ADCY2: variants seen among roughly 807,000 people sequenced by gnomAD.
ADCY2 encodes the protein adenylate cyclase type 2.
A neutral mutation model predicts 125.2 loss-of-function variants in ADCY2; 31 were observed. The ratio of observed to expected loss-of-function variants is 0.25; its 90% CI spans 0.19 to 0.33. The LOEUF is 0.33. Ranked by LOEUF, ADCY2 falls within the 10% of genes least tolerant of loss-of-function variation. The pLI is 1.00. For synonymous variants in ADCY2, 512 were observed against 548.4 expected (o/e 0.93, Z 0.93); for missense variants, 904 against 1,418.2 (o/e 0.64, Z 5.82).
chr5:7,653,225 C>A (rs1739158349), intron 4 of ADCY2, among the ~76,000 whole-genome samples: 1 of 152,176 alleles, frequency 6.6e-6, no homozygotes, highest in Non-Finnish European at 1.5e-5. Flanking sequence ...TTTGCCATGA[C>A]AACTCTCATA....
chr5:7,793,105 C>T (rs190839056), intron 20 of ADCY2, among the ~76,000 whole-genome samples: 123 of 152,286 alleles, frequency 8.1e-4, no homozygotes, highest in East Asian at 5.8e-4. Context: ...CTGAGGGTGA[C>T]GTGACATTTT....
intron 18 of ADCY2, among the ~76,000 whole-genome samples, chr5:7,774,750 G>A (rs1743666463): frequency 6.6e-6 from 1 of 152,174 alleles, no homozygotes; most frequent in Non-Finnish European, 1.5e-5. Context: ...AAGCTAGGGA[G>A]ACTGACTTGA....
At position 7,401,377 on chromosome 5, in the gene ADCY2, A is replaced by G. The variant is rs1192697916; in HGVS notation, c.210+4871A>G. Reference sequence around the variant, plus strand: ...AACTGCTACGCTGTCACAGGGTCACAGGGCATTTGACTTTCCCTGGGTGAC... The same window carrying G: ...AACTGCTACGCTGTCACAGGGTCACGGGGCATTTGACTTTCCCTGGGTGAC... On this transcript the variant is annotated intron_variant, in intron 1 of 24. Coordinates refer to ENST00000338316, the MANE Select transcript of ADCY2 (RefSeq NM_020546.3). Among the ~76,000 whole-genome samples the G allele has an allele frequency of 3.9e-5, 6 of 152,200 alleles. No individual in the cohort carries two copies. The South Asian group carries it at 8.3e-4, about 21-fold the overall frequency.
intron 3 of ADCY2, among the ~76,000 whole-genome samples, chr5:7,566,902 AGT>A (rs1348938829): frequency 6.6e-6 from 1 of 152,200 alleles, no homozygotes; most frequent in Non-Finnish European, 1.5e-5. Flanking sequence ...GAAAATAGCA[AGT>A]GTTCATTATA....
chr5:7,580,757 C>T (rs893817387), intron 3 of ADCY2, among the ~76,000 whole-genome samples: 1 of 152,070 alleles, frequency 6.6e-6, no homozygotes, highest in Non-Finnish European at 1.5e-5. Flanking sequence ...TAACTAAATA[C>T]AAAGAACACC....
chr5:7,554,700 C>T (rs1735448770), intron 3 of ADCY2, among the ~76,000 whole-genome samples: 1 of 152,136 alleles, frequency 6.6e-6, no homozygotes. Flanking sequence ...TGGGTCAAAT[C>T]TGCCTTGTTT....
chr5:7,525,312 C>T (rs143495732), intron 3 of ADCY2, among the ~76,000 whole-genome samples: 6 of 152,260 alleles, frequency 3.9e-5, no homozygotes, highest in East Asian at 3.9e-4. Flanking sequence ...TGGCCACCAT[C>T]GCTATTTATT....
intron 2 of ADCY2, among the ~76,000 whole-genome samples, chr5:7,471,714 T>C (rs1228310695): frequency 6.7e-6 from 1 of 149,280 alleles, no homozygotes; most frequent in African/African-American, 2.5e-5. Flanking sequence ...TTCTGTACTG[T>C]AGCTCTGCTG....
chr5:7,783,673 C>T (rs1172125299), intron 18 of ADCY2, among the ~76,000 whole-genome samples: 2 of 152,156 alleles, frequency 1.3e-5, no homozygotes, highest in African/African-American at 4.8e-5. Context: ...TAGTTACAGT[C>T]CTATGTAATG....
chr5:7,664,164 T>C (rs1291330381), intron 4 of ADCY2, among the ~76,000 whole-genome samples: 1 of 152,222 alleles, frequency 6.6e-6, no homozygotes, highest in Non-Finnish European at 1.5e-5. Context: ...CAAAAGAATT[T>C]GTTTGTAAAG....
chr5:7,485,385 A>G (rs765613919), intron 2 of ADCY2, among the ~76,000 whole-genome samples: 2 of 152,198 alleles, frequency 1.3e-5, no homozygotes, highest in Non-Finnish European at 2.9e-5. Context: ...ACATGAATGT[A>G]AAATTCGTGG....
intron 3 of ADCY2, among the ~76,000 whole-genome samples, chr5:7,603,905 C>T (rs566296039): frequency 5.0e-4 from 45 of 89,512 alleles, no homozygotes; most frequent in Non-Finnish European, 7.6e-4. Context: ...CATGCTGGTG[C>T]GCTGCACCCA....
chr5:7,396,452 C>T lies in ADCY2; in HGVS notation c.156C>T (p.Leu52=). 3 of 1,578,364 alleles carry T rather than the reference C, an allele frequency of 1.9e-6. No individual in the cohort carries two copies. Among genetic ancestry groups the T allele is most frequent in the Non-Finnish European group, 2.6e-6 (3 of 1,162,696 alleles). ...ACCCGCTCATCGTCTTCCTGCTGCT[C>T]ATCGTCATGGGCTCCTGCCTCGCCC... The part of the protein sequence containing the change: ...QQHPLIVFLL[L]IVMGSCLALL... The change falls in exon 1 of 25, where the codon CTC becomes CTT. Residue 52 remains leucine (L), a synonymous_variant. Coordinates refer to ENST00000338316, the MANE Select transcript of ADCY2 (RefSeq NM_020546.3). This position sits in a 1 kb window ranked among gnomAD's most constrained non-coding sequence, Gnocchi z 5.7.
chr5:7,473,246 G>C (rs921518482), intron 2 of ADCY2, among the ~76,000 whole-genome samples: 4 of 152,154 alleles, frequency 2.6e-5, no homozygotes, highest in African/African-American at 9.7e-5. Context: ...CGATTCTGCT[G>C]GATGCACAAG....
intron 3 of ADCY2, among the ~76,000 whole-genome samples, chr5:7,597,363 C>A (rs1737041825): frequency 6.6e-6 from 1 of 152,332 alleles, no homozygotes; most frequent in South Asian, 2.1e-4. Context: ...GAGGCCCCCT[C>A]TCCAGGGAGC....
intron 9 of ADCY2, 146 bp downstream of exon 9, chr5:7,707,984 C>T: frequency 1.2e-6 from 1 of 838,122 alleles, no homozygotes; most frequent in Non-Finnish European, 1.8e-6. Flanking sequence ...GGTTTAATTA[C>T]AGAAGATGTT....
At chr5:7,530,115 C>T (rs1330344634) in intron 3 of ADCY2, among the ~76,000 whole-genome samples, 2 of 152,170 alleles carry the variant, frequency 1.3e-5, no homozygotes, top group Non-Finnish European at 2.9e-5. Flanking sequence ...GCAGCAATGG[C>T]CAACCTCCTT....
At chr5:7,688,058 G>A (rs79175776) in intron 4 of ADCY2, among the ~76,000 whole-genome samples, 104,674 of 151,250 alleles carry the variant, frequency 0.69, 37,044 homozygotes, top group East Asian at 0.98. Flanking sequence ...TTTCCAAATA[G>A]ATAGCCTAGA....
intron 3 of ADCY2, among the ~76,000 whole-genome samples, chr5:7,539,329 C>T (rs1734920087): frequency 6.6e-6 from 1 of 151,060 alleles, no homozygotes; most frequent in South Asian, 2.1e-4. Flanking sequence ...CAGTACTTTT[C>T]AAAGGACTAC....
Sources: gnomAD v4.1 joint callset for allele counts (sites outside exome capture counted in the v4.1 genomes callset) on GRCh38, gnomAD v4.1.1 for gene constraint, Gnocchi (gnomAD v3.1) non-coding constraint, MANE v1.5 for transcripts, NCBI Gene and HGNC (gene_info 2026-07-23, HGNC 2026-07-21) for gene names.